Variants in GLCE observed in about 807,000 individuals in gnomAD.
The protein encoded by GLCE is glucuronic acid epimerase.
A neutral mutation model predicts 47.9 loss-of-function variants in GLCE; 19 were observed. The observed-to-expected ratio is 0.40, with a 90% confidence interval of 0.28 to 0.58. The LOEUF (loss-of-function observed/expected upper bound fraction) is 0.58, where lower values mean the gene tolerates loss of function less well. Among genes scored for constraint, GLCE ranks in the 20% least tolerant of loss-of-function variants. The probability of loss-of-function intolerance (pLI) is 0.48; values close to 1 mark genes in which losing one functional copy is unlikely to be tolerated. For synonymous variants in GLCE, 245 were observed against 263.4 expected (o/e 0.93, Z 0.68); for missense variants, 556 against 743.3 (o/e 0.75, Z 2.93).
intron 4 of GLCE, chr15:69,266,718 T>G: frequency 1.1e-6 from 1 of 936,128 alleles, no homozygotes; most frequent in Non-Finnish European, 1.3e-6. Context: ...AAGAGAACCT[T>G]TCTATTGAAT....
In GLCE at chr15:69,195,124, A is replaced by T. The variant is rs190262540; in HGVS notation, c.-104-15192A>T. ...TATGTGGGAGGTGGGGGAGGATGTG[A>T]TAAAATCTGCCTGCCTATTTATTCG... is the stretch of plus-strand genomic sequence containing the variant. On this transcript the variant is annotated intron_variant, in intron 1 of 4. Coordinates refer to ENST00000261858, the MANE Select transcript of GLCE (RefSeq NM_015554.3). 5.6e-4 allele frequency among the ~76,000 whole-genome samples: 86 copies of T among 152,224 alleles called. 1 individual carries two copies. The South Asian group carries it at 6.9e-3, about 12-fold the overall frequency.
Position 69,271,864 on chromosome 15 carries a change from T to C in GLCE, c.*2620T>C, listed in dbSNP as rs930550279. ...ACAAGCACAACTCTCCAGACGTGGCTCCTTCTCCTTTCTCAGTGCAGACTC... is the reference window on the plus strand; with the variant it reads ...ACAAGCACAACTCTCCAGACGTGGCCCCTTCTCCTTTCTCAGTGCAGACTC... On this transcript the variant is annotated 3_prime_UTR_variant, in exon 5 of 5. Transcript: ENST00000261858. The C allele has an allele frequency of 6.6e-6, 1 of 152,670 alleles. No homozygotes were observed. Among genetic ancestry groups the C allele is most frequent in the Non-Finnish European group, 1.5e-5 (1 of 68,052 alleles). The allele number at this position is 152,670 out of a possible 1,614,324, so 9.5% of individuals were successfully genotyped here. A position where few individuals can be genotyped will look rare whatever the true frequency, so the allele number is the denominator to read the frequency against.
chr15:69,233,012 A>G (rs1193432769), intron 2 of GLCE, among the ~76,000 whole-genome samples: 1 of 152,182 alleles, frequency 6.6e-6, no homozygotes, highest in Non-Finnish European at 1.5e-5. Context: ...ACAGTTTTCT[A>G]ACAGTGTAAG....
chr15:69,227,000 C>T (rs532945197), intron 2 of GLCE, among the ~76,000 whole-genome samples: 8 of 152,018 alleles, frequency 5.3e-5, no homozygotes, highest in Non-Finnish European at 5.9e-5. Context: ...CTGCCTCGGC[C>T]TCCCAAAGTG....
chr15:69,216,625 CCTTT>C (rs910557503), intron 2 of GLCE, among the ~76,000 whole-genome samples: 1 of 151,936 alleles, frequency 6.6e-6, no homozygotes, highest in Non-Finnish European at 1.5e-5. Flanking sequence ...TTTAATTAGG[CCTTT>C]CTATTTGTTT....
intron 2 of GLCE, among the ~76,000 whole-genome samples, chr15:69,243,085 G>T (rs1000133632): frequency 3.9e-4 from 57 of 145,046 alleles, no homozygotes; most frequent in Middle Eastern, 7.0e-3. Flanking sequence ...AAGAAAGAAA[G>T]AAATGAAAAG....
chr15:69,253,626 A>G (rs558788486), intron 2 of GLCE, among the ~76,000 whole-genome samples: 11 of 152,230 alleles, frequency 7.2e-5, no homozygotes, highest in Non-Finnish European at 1.3e-4. Context: ...ATCATCTAAT[A>G]TATTCAGAGA....
chr15:69,186,110 T>C (rs2051819147), intron 1 of GLCE, among the ~76,000 whole-genome samples: 1 of 152,154 alleles, frequency 6.6e-6, no homozygotes, highest in Non-Finnish European at 1.5e-5. Context: ...TGCTACCCCC[T>C]GGGAACCTCC....
At chr15:69,194,508 A>G (rs1341092770) in intron 1 of GLCE, 1 of 152,180 alleles carries the variant, frequency 6.6e-6, no homozygotes, top group Admixed American at 6.5e-5. Context: ...AACCTGAGCT[A>G]AATCTTAGGA....
chr15:69,247,803 G>A (rs1184345145), intron 2 of GLCE, among the ~76,000 whole-genome samples: 1 of 152,148 alleles, frequency 6.6e-6, no homozygotes, highest in South Asian at 2.1e-4. Flanking sequence ...TCGGGGAACA[G>A]CTGGTCATTG....
chr15:69,268,652 G>C lies in GLCE; in HGVS notation c.1262G>C (p.Gly421Ala). ...GTAAGGAACCAGGATGAGAAAGGTGGCTGGCCAATTATGGTGACCCGTAAG... is the reference window on the plus strand; with the variant it reads ...GTAAGGAACCAGGATGAGAAAGGTGCCTGGCCAATTATGGTGACCCGTAAG... Reference protein sequence around the residue: ...WLVRNQDEKGGWPIMVTRKLG... With the variant: ...WLVRNQDEKGAWPIMVTRKLG... The change falls in exon 5 of 5, where the codon GGC (glycine) becomes GCC (alanine). Residue 421 changes from glycine (G) to alanine (A), a missense_variant. By Grantham distance (60) the Gly-to-Ala change is moderately conservative. Transcript: ENST00000261858. The C allele has an allele frequency of 6.2e-7, 1 of 1,614,184 alleles. No homozygotes were observed. The highest frequency in any genetic ancestry group is 2.2e-5 in the East Asian group (1 of 44,878).
chr15:69,246,507 G>T (rs752978710), intron 2 of GLCE, among the ~76,000 whole-genome samples: 1 of 152,048 alleles, frequency 6.6e-6, no homozygotes, highest in Non-Finnish European at 1.5e-5. Context: ...CACGAGTTCA[G>T]GAGTTTGAGA....
chr15:69,199,241 A>G (rs1413875865), intron 1 of GLCE, among the ~76,000 whole-genome samples: 1 of 152,178 alleles, frequency 6.6e-6, no homozygotes, highest in Non-Finnish European at 1.5e-5. Flanking sequence ...CAGGAATGCT[A>G]TTCAAGAAAA....
intron 1 of GLCE, among the ~76,000 whole-genome samples, chr15:69,164,206 A>G (rs1223594198): frequency 6.6e-6 from 1 of 152,108 alleles, no homozygotes; most frequent in Admixed American, 6.5e-5. Flanking sequence ...TGTGAAGCAT[A>G]CGAACCATAC....
At position 69,268,953 on chromosome 15, in the gene GLCE, C is replaced by T. The variant is rs745487276; in HGVS notation, c.1563C>T (p.Asp521=). 11 of 1,614,060 alleles carry T rather than the reference C, an allele frequency of 6.8e-6. No homozygotes were observed. Among genetic ancestry groups the T allele is most frequent in the Non-Finnish European group, 8.5e-6 (10 of 1,180,028 alleles). The change falls in exon 5 of 5, where the codon GAC becomes GAT. Residue 521 remains aspartate, a synonymous_variant. Coordinates refer to ENST00000261858, the MANE Select transcript of GLCE (RefSeq NM_015554.3). The part of the protein sequence containing the change: ...GFMYSLIGLY[D]LKETAGEKLG... ...TGTATTCTTTAATTGGGCTGTATGACTTAAAAGAAACTGCAGGGGAAAAAC... is the reference window on the plus strand; with the variant it reads ...TGTATTCTTTAATTGGGCTGTATGATTTAAAAGAAACTGCAGGGGAAAAAC...
intron 4 of GLCE, among the ~76,000 whole-genome samples, chr15:69,267,742 A>G (rs34433849): frequency 0.47 from 70,789 of 151,992 alleles, 19,782 homozygotes; most frequent in Middle Eastern, 0.62. Flanking sequence ...AGCCCTTAGA[A>G]CATAGTAAGT....
intron 1 of GLCE, among the ~76,000 whole-genome samples, chr15:69,169,210 G>A (rs8036607): frequency 0.037 from 5,648 of 152,028 alleles, 348 homozygotes; most frequent in African/African-American, 0.13. Flanking sequence ...TTCATTATAC[G>A]AGTGTCTATT....
At chr15:69,191,136 T>G (rs1474838402) in intron 1 of GLCE, among the ~76,000 whole-genome samples, 1 of 152,174 alleles carries the variant, frequency 6.6e-6, no homozygotes, top group Non-Finnish European at 1.5e-5. Flanking sequence ...ACCCACATAT[T>G]TACTCCACTG....
In GLCE at chr15:69,272,203, A is replaced by G. The variant is rs1427221333; in HGVS notation, c.*2959A>G. 6.6e-6 allele frequency: 1 copy of G among 152,656 alleles called. No individual in the cohort carries two copies. The highest frequency in any genetic ancestry group is 1.5e-5 in the Non-Finnish European group (1 of 68,030). 9.5% of individuals were successfully genotyped at this position (152,656 alleles called of 1,614,324 possible). A position where few individuals can be genotyped will look rare whatever the true frequency, so the allele number is the denominator to read the frequency against. On this transcript the variant is annotated 3_prime_UTR_variant, in exon 5 of 5. Transcript: ENST00000261858. ...TGTAAAATAAAGTTTTTTTCTTAAA[A>G]AGAATATACCTGGATATTTCTCTTT...
Sources: gnomAD v4.1 joint callset for allele counts (sites outside exome capture counted in the v4.1 genomes callset) on GRCh38, gnomAD v4.1.1 for gene constraint, MANE v1.5 for transcripts, NCBI Gene and HGNC (gene_info 2026-07-23, HGNC 2026-07-21) for gene names.